ARID5B: variants seen among roughly 807,000 people sequenced by gnomAD.
ARID5B encodes the protein AT-rich interactive domain-containing protein 5B.
In ARID5B, 13 loss-of-function variants were observed where a neutral mutation model predicts 97.2. The ratio of observed to expected loss-of-function variants is 0.13; its 90% CI spans 0.09 to 0.21. ARID5B has a LOEUF of 0.21. Among genes scored for constraint, ARID5B ranks in the 10% least tolerant of loss-of-function variants. The probability of loss-of-function intolerance (pLI) is 1.00; values close to 1 mark genes in which losing one functional copy is unlikely to be tolerated. For synonymous variants in ARID5B, 556 were observed against 570.3 expected (o/e 0.97, Z 0.36); for missense variants, 1,210 against 1,465.3 (o/e 0.83, Z 2.84).
At chr10:61,904,779 A>G (rs761334516) in intron 2 of ARID5B, among the ~76,000 whole-genome samples, 3 of 152,266 alleles carry the variant, frequency 2.0e-5, no homozygotes, top group Non-Finnish European at 2.9e-5. Context: ...TTCAATTGAG[A>G]TAATGACACG....
chr10:62,049,344 A>G, intron 4 of ARID5B: 1 of 1,533,144 alleles, frequency 6.5e-7, no homozygotes, highest in Non-Finnish European at 8.8e-7. Flanking sequence ...CAGAGCGCTG[A>G]GCCTCGCAGC....
chr10:61,962,436 T>G (rs1192878133), intron 3 of ARID5B, among the ~76,000 whole-genome samples: 1 of 152,220 alleles, frequency 6.6e-6, no homozygotes, highest in Admixed American at 6.5e-5. Flanking sequence ...CATTTAAATA[T>G]GTACAGCATG....
intron 4 of ARID5B, among the ~76,000 whole-genome samples, chr10:62,015,366 C>T (rs182259798): frequency 2.0e-5 from 3 of 152,312 alleles, no homozygotes; most frequent in Non-Finnish European, 2.9e-5. Context: ...AACACAGCTG[C>T]TTTAGTGGAG....
chr10:61,999,981 G>A, intron 3 of ARID5B, 110 bp from the exon 4 acceptor site: 1 of 1,058,184 alleles, frequency 9.5e-7, no homozygotes. Flanking sequence ...TAACAAGGAT[G>A]AGAGTCTTTT....
chr10:62,007,846 G>A (rs1295686732), intron 4 of ARID5B, among the ~76,000 whole-genome samples: 2 of 152,056 alleles, frequency 1.3e-5, no homozygotes, highest in East Asian at 1.9e-4. Flanking sequence ...TCACAGATCT[G>A]GCTCTTTCCC....
At chr10:62,015,728 AT>A (rs944871745) in intron 4 of ARID5B, among the ~76,000 whole-genome samples, 4 of 151,936 alleles carry the variant, frequency 2.6e-5, no homozygotes, top group Non-Finnish European at 5.9e-5. Flanking sequence ...GGTTCAAGAG[AT>A]TCTCCCACCT....
intron 5 of ARID5B, 99 bp from the exon 6 acceptor site, chr10:62,057,018 C>G (rs1241493181): frequency 5.5e-6 from 6 of 1,093,924 alleles, no homozygotes; most frequent in African/African-American, 1.6e-5. Context: ...TCACCCTTAG[C>G]ACTCACTGAA....
At chr10:62,077,821 G>A (rs1251604268) in intron 8 of ARID5B, among the ~76,000 whole-genome samples, 1 of 152,126 alleles carries the variant, frequency 6.6e-6, no homozygotes, top group Admixed American at 6.5e-5. Flanking sequence ...TCTCAAGCAT[G>A]CCACTGCACA....
chr10:61,977,753 A>G (rs1196899582), intron 3 of ARID5B, among the ~76,000 whole-genome samples: 1 of 152,006 alleles, frequency 6.6e-6, no homozygotes, highest in Non-Finnish European at 1.5e-5. Flanking sequence ...TAGATTCTGG[A>G]TATTAGCCCT....
Position 62,092,286 on chromosome 10 carries a change from G to A in ARID5B, c.2823G>A (p.Gln941=). ...AGAGCAAAGGCATCTCCCAGTTCCA[G>A]GTCTTAGGCAGCCAGAGTCGAGACT... ...PQESKGISQF[Q]VLGSQSRDCH... Residue 941 remains glutamine (Q), a synonymous_variant, in exon 10 of 10, where the codon CAG becomes CAA. Transcript: ENST00000279873. 3 of 1,607,834 alleles carry A rather than the reference G, an allele frequency of 1.9e-6. No individual in the cohort carries two copies. Among genetic ancestry groups the A allele is most frequent in the Non-Finnish European group, 2.5e-6 (3 of 1,177,046 alleles).
At chr10:62,081,544 G>C (rs964715368) in intron 8 of ARID5B, among the ~76,000 whole-genome samples, 2 of 152,250 alleles carry the variant, frequency 1.3e-5, no homozygotes, top group East Asian at 1.9e-4. Context: ...AAAGATGAAG[G>C]GTCTTTTCTT....
At chr10:61,972,513 G>A (rs1390536409) in intron 3 of ARID5B, among the ~76,000 whole-genome samples, 1 of 152,074 alleles carries the variant, frequency 6.6e-6, no homozygotes, top group Non-Finnish European at 1.5e-5. Context: ...ACAGCCATGA[G>A]CCACCACTCC....
intron 3 of ARID5B, among the ~76,000 whole-genome samples, chr10:61,998,551 T>C (rs980838955): frequency 1.3e-5 from 2 of 152,192 alleles, no homozygotes; most frequent in Non-Finnish European, 1.5e-5. Context: ...GAAGGCTTCA[T>C]CCATGCAGAA....
chr10:61,981,813 G>A (rs568111525), intron 3 of ARID5B, among the ~76,000 whole-genome samples: 7 of 152,238 alleles, frequency 4.6e-5, no homozygotes, highest in Admixed American at 2.6e-4. Context: ...GTTACATTAT[G>A]TTGGTCATCC....
chr10:61,945,173 T>C lies in ARID5B; in HGVS notation c.502+4765T>C, dbSNP rs541576318. The stretch of plus-strand genomic sequence containing the variant: ...GACACTGTATGATTTTTTACCTGAG[T>C]GCTCTCATGAATTTATTAGGATTTG... On this transcript the variant is annotated intron_variant, in intron 3 of 9. Coordinates refer to ENST00000279873, the MANE Select transcript of ARID5B (RefSeq NM_032199.3). Among the ~76,000 whole-genome samples the C allele has an allele frequency of 5.3e-5, 8 of 152,312 alleles. No homozygotes were observed. In the East Asian group the frequency reaches 1.5e-3, roughly 29 times the overall value.
rs563742306 is a variant in ARID5B at position 62,044,601 on chromosome 10, G to C, written c.734-6287G>C. Among the ~76,000 whole-genome samples, 449 of 152,100 alleles carry C rather than the reference G, an allele frequency of 3.0e-3. 7 individuals are homozygous for C. The highest frequency in any genetic ancestry group is 0.011 in the African/African-American group (436 of 41,492). On this transcript the variant is annotated intron_variant, in intron 4 of 9. Coordinates refer to ENST00000279873, the MANE Select transcript of ARID5B (RefSeq NM_032199.3). ...TTGCCCAAGCTGGTCTCAAGTTCCC[G>C]GTCAAGCAATATTCCCACCTCCCAA...
intron 6 of ARID5B, 141 bp downstream of exon 6, chr10:62,057,459 C>T: frequency 1.1e-6 from 1 of 897,924 alleles, no homozygotes; most frequent in Non-Finnish European, 1.7e-6. Flanking sequence ...CATAAATGTT[C>T]CAGGCCAAGA....
intron 3 of ARID5B, among the ~76,000 whole-genome samples, chr10:61,957,560 C>T (rs1387537200): frequency 1.3e-5 from 2 of 152,212 alleles, no homozygotes; most frequent in East Asian, 1.9e-4. Context: ...CAAGCCACTG[C>T]GCCCGGCCTG....
chr10:62,079,461 G>GGT (rs1163496994), intron 8 of ARID5B, among the ~76,000 whole-genome samples: 1 of 152,176 alleles, frequency 6.6e-6, no homozygotes, highest in Non-Finnish European at 1.5e-5. Context: ...AATGCGTGGT[G>GGT]GTGGCTGTTA....
Sources: allele counts gnomAD v4.1 joint callset (sites outside exome capture counted in the v4.1 genomes callset), GRCh38; gene constraint gnomAD v4.1.1; transcripts MANE v1.5; gene names NCBI Gene and HGNC (gene_info 2026-07-23, HGNC 2026-07-21).